Variants in SMARCAD1 observed in about 807,000 individuals in gnomAD.
SMARCAD1 encodes SNF2 related chromatin remodeling ATPase with DExD box 1.
In SMARCAD1, 25 loss-of-function variants were observed where a neutral mutation model predicts 127.1. The ratio of observed to expected loss-of-function variants is 0.20; its 90% CI spans 0.14 to 0.27. The LOEUF (loss-of-function observed/expected upper bound fraction) is 0.27. SMARCAD1 is among the 10% of genes least tolerant of loss of function. The pLI, the probability that SMARCAD1 is intolerant of heterozygous loss-of-function variation, is 1.00. For synonymous variants in SMARCAD1, 400 were observed against 396.9 expected (o/e 1.01, Z -0.09); for missense variants, 807 against 1,206.0 (o/e 0.67, Z 4.90).
chr4:94,267,335 T>A (rs1300513774), intron 10 of SMARCAD1, among the ~76,000 whole-genome samples: 1 of 152,160 alleles, frequency 6.6e-6, no homozygotes, highest in Non-Finnish European at 1.5e-5. Flanking sequence ...CACTACAGAC[T>A]AATATTGTGG....
intron 9 of SMARCAD1, among the ~76,000 whole-genome samples, chr4:94,261,561 T>C (rs1032700907): frequency 6.6e-6 from 1 of 152,228 alleles, no homozygotes; most frequent in Non-Finnish European, 1.5e-5. Context: ...ATAGAAATTA[T>C]TTACCATGTG....
At chr4:94,276,568 G>A (rs1753333135) in intron 15 of SMARCAD1, 94 bp downstream of exon 15, 11 of 1,458,298 alleles carry the variant, frequency 7.5e-6, no homozygotes, top group Non-Finnish European at 9.3e-6. Flanking sequence ...TCTGTATTAT[G>A]TAGTTTAATA....
intron 9 of SMARCAD1, among the ~76,000 whole-genome samples, chr4:94,257,614 T>C (rs1469182233): frequency 1.3e-5 from 2 of 152,198 alleles, no homozygotes; most frequent in African/African-American, 2.4e-5. Flanking sequence ...TTTTTGTTAA[T>C]GTTTATACTT....
At chr4:94,210,373 T>A (rs1010794546) in intron 2 of SMARCAD1, among the ~76,000 whole-genome samples, 8 of 152,224 alleles carry the variant, frequency 5.3e-5, no homozygotes, top group African/African-American at 9.6e-5. Flanking sequence ...TCTTGAAAAC[T>A]GAGAAGTTTA....
intron 2 of SMARCAD1, among the ~76,000 whole-genome samples, chr4:94,225,693 T>C (rs186780316): frequency 1.8e-4 from 27 of 152,346 alleles, no homozygotes; most frequent in Middle Eastern, 3.4e-3. Flanking sequence ...AATCTGATTT[T>C]ATATGCATAT....
rs747973319 is a variant in SMARCAD1 at position 94,276,971 on chromosome 4, A to G, written c.1945-51A>G. The G allele has an allele frequency of 4.4e-6, 7 of 1,607,262 alleles. No homozygotes were observed. The South Asian group carries it at 7.7e-5, about 18-fold the overall frequency. ...TTTCACTGGGGAGGATAGACATGAA[A>G]GGAGTGGCTCTTTAAGAAAAAGCTA... On this transcript the variant is annotated intron_variant, in intron 15 of 23. Transcript: ENST00000354268.
chr4:94,242,491 A>C (rs1291480084), intron 6 of SMARCAD1, among the ~76,000 whole-genome samples: 1 of 152,202 alleles, frequency 6.6e-6, no homozygotes, highest in Non-Finnish European at 1.5e-5. Flanking sequence ...TTGGTACACA[A>C]AATGGGCAAC....
In SMARCAD1 at chr4:94,280,681, G is replaced by A. The variant is rs190474922; in HGVS notation, c.2508G>A (p.Gln836=). 1.2e-6 allele frequency: 2 copies of A among 1,613,688 alleles called. No homozygotes were observed. Among genetic ancestry groups the A allele is most frequent in the East Asian group, 2.2e-5 (1 of 44,800 alleles). Residue 836 remains glutamine (Q), a synonymous_variant, in exon 20 of 24, where the codon CAG becomes CAA. Transcript: ENST00000354268. The part of the protein sequence containing the change: ...TDFELHVLCK[Q]YRHINNFQLD... ...TCGAACTACATGTACTTTGTAAACA[G>A]TACCGACACATTAATAACTTTCAGT...
At chr4:94,231,870 T>G (rs1745899058) in intron 3 of SMARCAD1, among the ~76,000 whole-genome samples, 1 of 152,116 alleles carries the variant, frequency 6.6e-6, no homozygotes, top group Non-Finnish European at 1.5e-5. Flanking sequence ...TTTTCTTTCC[T>G]TTTTCTTTTT....
At chr4:94,257,835 T>C (rs574723604) in intron 9 of SMARCAD1, among the ~76,000 whole-genome samples, 3 of 152,130 alleles carry the variant, frequency 2.0e-5, no homozygotes, top group African/African-American at 7.2e-5. Context: ...GTAGGTCTTA[T>C]CTATCAACTT....
intron 22 of SMARCAD1, among the ~76,000 whole-genome samples, chr4:94,284,486 C>T (rs1256571218): frequency 6.6e-6 from 1 of 151,978 alleles, no homozygotes; most frequent in Non-Finnish European, 1.5e-5. Context: ...TCAATCTCCA[C>T]CTCCCAGGTT....
chr4:94,240,856 T>A (rs1213785548), intron 5 of SMARCAD1, 50 bp from the exon 6 acceptor site: 1 of 1,391,158 alleles, frequency 7.2e-7, no homozygotes, highest in Non-Finnish European at 1.0e-6. Flanking sequence ...ATTAAATTGA[T>A]TTTTTGCTAT....
At chr4:94,220,151 C>T (rs1218522583) in intron 2 of SMARCAD1, among the ~76,000 whole-genome samples, 2 of 152,162 alleles carry the variant, frequency 1.3e-5, no homozygotes, top group African/African-American at 4.8e-5. Context: ...GAAAATAGTC[C>T]AGATAAACAA....
chr4:94,264,952 C>T (rs1056633464), intron 10 of SMARCAD1, 46 bp downstream of exon 10: 2 of 1,533,712 alleles, frequency 1.3e-6, no homozygotes, highest in African/African-American at 2.8e-5. Context: ...CTCAATTATA[C>T]AAAATATCTG....
chr4:94,243,369 A>G (rs1199158023), intron 6 of SMARCAD1, among the ~76,000 whole-genome samples: 1 of 152,116 alleles, frequency 6.6e-6, no homozygotes, highest in East Asian at 1.9e-4. Flanking sequence ...TCTTGAACCT[A>G]CTCAAGTCCA....
In SMARCAD1 at chr4:94,251,169, TATC is replaced by T. The variant is rs369616354; in HGVS notation, c.889+339_889+341del. Among the ~76,000 whole-genome samples, 21 of 152,328 alleles carry T rather than the reference TATC, an allele frequency of 1.4e-4. No homozygotes were observed. In the East Asian group the frequency reaches 2.1e-3, roughly 15 times the overall value. ...TCAGGATGGATCTTGTGATTGGTGA[TATC>T]ATGTCATTACTGTAATGTAGATGTC... On this transcript the variant is annotated intron_variant, in intron 8 of 23. Coordinates refer to ENST00000354268, the MANE Select transcript of SMARCAD1 (RefSeq NM_020159.5).
intron 2 of SMARCAD1, among the ~76,000 whole-genome samples, chr4:94,222,609 A>T (rs943589475): frequency 3.3e-5 from 5 of 152,166 alleles, no homozygotes; most frequent in African/African-American, 1.2e-4. Context: ...AGTAAGCCAA[A>T]TTTTATTTTA....
chr4:94,249,386 A>C (rs891340499), intron 6 of SMARCAD1, among the ~76,000 whole-genome samples: 1 of 152,046 alleles, frequency 6.6e-6, no homozygotes, highest in Admixed American at 6.6e-5. Context: ...CTAGTTTTTT[A>C]GGAGATTTAT....
intron 6 of SMARCAD1, among the ~76,000 whole-genome samples, chr4:94,242,341 G>A (rs1253412918): frequency 1.3e-5 from 2 of 151,794 alleles, no homozygotes; most frequent in African/African-American, 2.4e-5. Flanking sequence ...CACCACGCCC[G>A]GCTGTATTTT....
Sources: allele counts gnomAD v4.1 joint callset (sites outside exome capture counted in the v4.1 genomes callset), GRCh38; gene constraint gnomAD v4.1.1; transcripts MANE v1.5; gene names NCBI Gene and HGNC (gene_info 2026-07-23, HGNC 2026-07-21).